COG5: variants seen among roughly 807,000 people sequenced by gnomAD.
The protein encoded by COG5 is conserved oligomeric Golgi complex subunit 5.
COG5 carries 86 observed loss-of-function variants against 110.4 expected under a neutral mutation model. The observed-to-expected ratio is 0.78, with a 90% CI of 0.65 to 0.93. The LOEUF (loss-of-function observed/expected upper bound fraction) is 0.93. COG5 is among the 40% of genes least tolerant of loss of function. COG5 has a pLI of 0.00. For missense variants in COG5, 1,077 were observed against 987.0 expected, an observed-to-expected ratio of 1.09 and a Z score of -1.22; for synonymous variants, 360 against 334.6, an observed-to-expected ratio of 1.08 and a Z score of -0.83.
At chr7:107,493,025 C>T (rs1342303472) in intron 6 of COG5, among the ~76,000 whole-genome samples, 1 of 152,052 alleles carries the variant, frequency 6.6e-6, no homozygotes, top group African/African-American at 2.4e-5. Flanking sequence ...GGAGGTGGGG[C>T]CTTTTGGGAG....
chr7:107,319,077 C>A (rs1342804922), intron 11 of COG5, among the ~76,000 whole-genome samples: 1 of 151,194 alleles, frequency 6.6e-6, no homozygotes, highest in African/African-American at 2.4e-5. Context: ...ATGTCTATGG[C>A]TGTATCTTCT....
At chr7:107,451,653 G>A (rs1018419145) in intron 6 of COG5, among the ~76,000 whole-genome samples, 1 of 151,934 alleles carries the variant, frequency 6.6e-6, no homozygotes, top group African/African-American at 2.4e-5. Context: ...CTACTCCTCA[G>A]CCGACTCAAC....
rs778799925 is a variant in COG5, at chr7:107,474,708, G to C, written c.538+52529C>G. ...GAATGTATTATCACCTGTTAGTACA[G>C]ATCCCAATATTCTTTTTCACTGTTG... On this transcript the variant is annotated intron_variant, in intron 6 of 21. Transcript: ENST00000297135. The surrounding 1 kb of genome is among the most constrained non-coding windows in gnomAD (Gnocchi z 5.7). 5 of 1,610,938 alleles carry C rather than the reference G, an allele frequency of 3.1e-6. No homozygotes were observed. The highest frequency in any genetic ancestry group is 4.2e-6 in the Non-Finnish European group (5 of 1,178,080).
intron 14 of COG5, among the ~76,000 whole-genome samples, chr7:107,277,393 G>A (rs138437617): frequency 6.0e-4 from 92 of 152,202 alleles, no homozygotes; most frequent in Middle Eastern, 3.4e-3. Context: ...CTTAGCACTA[G>A]AGATAGAAAC....
intron 19 of COG5, among the ~76,000 whole-genome samples, chr7:107,216,317 C>A (rs995425147): frequency 2.0e-5 from 3 of 152,152 alleles, no homozygotes; most frequent in Non-Finnish European, 4.4e-5. Flanking sequence ...GACTTCAATA[C>A]CTCACTTTCA....
At chr7:107,273,941 T>C (rs1413721053) in intron 14 of COG5, among the ~76,000 whole-genome samples, 2 of 152,202 alleles carry the variant, frequency 1.3e-5, no homozygotes, top group African/African-American at 4.8e-5. Flanking sequence ...GGTCAACATA[T>C]ATAATTTAAA....
At chr7:107,371,694 T>G (rs1333792766) in intron 8 of COG5, among the ~76,000 whole-genome samples, 1 of 152,154 alleles carries the variant, frequency 6.6e-6, no homozygotes, top group Non-Finnish European at 1.5e-5. Flanking sequence ...AAGATATATT[T>G]ATTTAATTGG....
At chr7:107,532,000 G>A (rs935994319) in intron 5 of COG5, among the ~76,000 whole-genome samples, 1 of 152,098 alleles carries the variant, frequency 6.6e-6, no homozygotes, top group Non-Finnish European at 1.5e-5. Flanking sequence ...TCATGCCCCA[G>A]ACCTGGAATC....
intron 10 of COG5, among the ~76,000 whole-genome samples, chr7:107,326,426 T>C (rs1809772554): frequency 6.6e-6 from 1 of 152,156 alleles, no homozygotes; most frequent in Non-Finnish European, 1.5e-5. Context: ...CAAAAAGGCC[T>C]GTTAAAATAA....
Position 107,362,165 on chromosome 7 carries a change from T to C in COG5, c.949-55A>G, listed in dbSNP as rs145665532. 9.7e-5 allele frequency: 140 copies of C among 1,437,558 alleles called. No homozygotes were observed. In the East Asian group the frequency reaches 2.9e-3, roughly 29 times the overall value. The allele number at this position is 1,437,558 out of a possible 1,614,324, so 89.1% of individuals were successfully genotyped here. Reference sequence around the variant, plus strand: ...AATAGAAAAAGCAAGAAAAGGGAAATGGCAACCTTTACGTACATTATCATC... The same window carrying C: ...AATAGAAAAAGCAAGAAAAGGGAAACGGCAACCTTTACGTACATTATCATC... On this transcript the variant is annotated intron_variant, in intron 9 of 21. Coordinates refer to ENST00000297135, the MANE Select transcript of COG5 (RefSeq NM_006348.5).
At chr7:107,331,958 C>T (rs189348495) in intron 10 of COG5, among the ~76,000 whole-genome samples, 4 of 151,914 alleles carry the variant, frequency 2.6e-5, no homozygotes, top group African/African-American at 7.2e-5. Context: ...AAATGATTCC[C>T]GTGCCTCAGC....
At chr7:107,233,111 A>T (rs1275002692) in intron 18 of COG5, among the ~76,000 whole-genome samples, 2 of 152,158 alleles carry the variant, frequency 1.3e-5, no homozygotes, top group Non-Finnish European at 2.9e-5. Context: ...GCACCAGAAG[A>T]CCTATAAATA....
intron 5 of COG5, among the ~76,000 whole-genome samples, chr7:107,544,315 G>T (rs547717651): frequency 2.6e-5 from 4 of 152,148 alleles, no homozygotes; most frequent in Admixed American, 6.5e-5. Context: ...GGCTCCTGCA[G>T]ATTCAAGCTA....
chr7:107,519,362 G>A (rs1440499347), intron 6 of COG5, among the ~76,000 whole-genome samples: 2 of 151,956 alleles, frequency 1.3e-5, no homozygotes, highest in East Asian at 3.8e-4. Context: ...GAATCCAGGA[G>A]CTGGTTTTTT....
chr7:107,517,043 TA>T (rs1259802777), intron 6 of COG5, among the ~76,000 whole-genome samples: 1 of 152,020 alleles, frequency 6.6e-6, no homozygotes, highest in African/African-American at 2.4e-5. Flanking sequence ...AGAAGGTGGG[TA>T]ATTACAAACT....
intron 6 of COG5, among the ~76,000 whole-genome samples, chr7:107,477,233 T>C (rs1032179985): frequency 2.6e-5 from 4 of 151,718 alleles, no homozygotes; most frequent in Non-Finnish European, 5.9e-5. Context: ...CATTAATATC[T>C]TCATTTAAGA....
intron 8 of COG5, among the ~76,000 whole-genome samples, chr7:107,369,801 T>C (rs770666767): frequency 6.6e-6 from 1 of 152,204 alleles, no homozygotes; most frequent in Admixed American, 6.5e-5. Context: ...ATTGATAAAA[T>C]TGAGTAAAGT....
chr7:107,471,679 T>C (rs1052407621), intron 6 of COG5: 1 of 152,068 alleles, frequency 6.6e-6, no homozygotes, highest in Non-Finnish European at 1.5e-5. Flanking sequence ...AGTTACTGAT[T>C]CTGGAAGACA....
Position 107,410,121 on chromosome 7 carries a change from G to A in COG5, c.669+2381C>T, listed in dbSNP as rs1294133450. 2.0e-5 allele frequency among the ~76,000 whole-genome samples: 3 copies of A among 152,286 alleles called. No individual in the cohort carries two copies. The Middle Eastern group carries it at 0.01, about 518-fold the overall frequency. ...TCCACAGATGGCATTTTGCTGTGCA[G>A]GAGTAGTAGAAAGGCAAGGGTGAAA... On this transcript the variant is annotated intron_variant, in intron 7 of 21. Transcript: ENST00000297135.
Sources: gnomAD v4.1 joint callset for allele counts (sites outside exome capture counted in the v4.1 genomes callset) on GRCh38, gnomAD v4.1.1 for gene constraint, Gnocchi (gnomAD v3.1) non-coding constraint, MANE v1.5 for transcripts, NCBI Gene and HGNC (gene_info 2026-07-23, HGNC 2026-07-21) for gene names.